MRTFB: variants seen among roughly 807,000 people sequenced by gnomAD.
MRTFB encodes the protein myocardin-related transcription factor B.
MRTFB carries 29 observed loss-of-function variants against 104.2 expected under a neutral mutation model. The observed-to-expected ratio is 0.28, with a 90% CI of 0.21 to 0.38. MRTFB has a LOEUF of 0.38. Ranked by LOEUF, MRTFB falls within the 10% of genes least tolerant of loss-of-function variation. The pLI, the probability that MRTFB is intolerant of heterozygous loss-of-function variation, is 1.00. For missense variants in MRTFB, 1,270 were observed against 1,341.6 expected, an observed-to-expected ratio of 0.95 and a Z score of 0.83; for synonymous variants, 535 against 519.5, an observed-to-expected ratio of 1.03 and a Z score of -0.41.
At chr16:14,171,587 C>T (rs2039425371) in intron 3 of MRTFB, among the ~76,000 whole-genome samples, 1 of 152,114 alleles carries the variant, frequency 6.6e-6, no homozygotes, top group Non-Finnish European at 1.5e-5. Flanking sequence ...ATGATAACTC[C>T]ATTTTCATTC....
At position 14,168,523 on chromosome 16, in the gene MRTFB, C is replaced by G. The variant is rs1386589009; in HGVS notation, c.154+27763C>G. On this transcript the variant is annotated intron_variant, in intron 3 of 16. Coordinates refer to ENST00000571589, the MANE Select transcript of MRTFB (RefSeq NM_001308142.2). ...GCATGCTCCTGTATAAGGCTTCTTGCATTCAGCATGTTTTTGAGATTCATT... is the reference window on the plus strand; with the variant it reads ...GCATGCTCCTGTATAAGGCTTCTTGGATTCAGCATGTTTTTGAGATTCATT... Among the ~76,000 whole-genome samples the G allele has an allele frequency of 2.6e-5, 4 of 152,192 alleles. No homozygotes were observed. The East Asian group carries it at 7.7e-4, about 29-fold the overall frequency.
the MRTFB span, among the ~76,000 whole-genome samples, chr16:14,063,113 C>T: frequency 6.6e-6 from 1 of 152,204 alleles, no homozygotes; most frequent in African/African-American, 2.4e-5. Flanking sequence ...CTGTCTCCTA[C>T]ATCCTGCCCA....
intron 3 of MRTFB, among the ~76,000 whole-genome samples, chr16:14,160,877 T>G (rs2039004755): frequency 6.6e-6 from 1 of 152,154 alleles, no homozygotes; most frequent in African/African-American, 2.4e-5. Flanking sequence ...AATTTTTTAG[T>G]ACTTTCCTAC....
intron 2 of MRTFB, among the ~76,000 whole-genome samples, chr16:14,132,633 G>A (rs2037497593): frequency 1.3e-5 from 2 of 152,160 alleles, no homozygotes; most frequent in Admixed American, 1.3e-4. Flanking sequence ...AAATATCTTA[G>A]TTGTAATTTG....
the MRTFB span, among the ~76,000 whole-genome samples, chr16:14,029,189 T>A: frequency 6.6e-6 from 1 of 151,452 alleles, no homozygotes. Context: ...TGGTCCCAGC[T>A]ACTTGGGAGG....
intron 2 of MRTFB, among the ~76,000 whole-genome samples, chr16:14,131,262 AAG>A (rs1201509740): frequency 6.6e-6 from 1 of 152,188 alleles, no homozygotes; most frequent in Non-Finnish European, 1.5e-5. Context: ...CCAAATTAGT[AAG>A]AGCCTCATCA....
intron 2 of MRTFB, chr16:14,092,716 T>A (rs1328965549): frequency 1.3e-5 from 2 of 152,166 alleles, no homozygotes; most frequent in Non-Finnish European, 2.9e-5. Flanking sequence ...TGGATATGAT[T>A]TCAGATCACT....
At chr16:14,156,538 A>G (rs2038834394) in intron 3 of MRTFB, among the ~76,000 whole-genome samples, 1 of 152,204 alleles carries the variant, frequency 6.6e-6, no homozygotes, top group African/African-American at 2.4e-5. Flanking sequence ...GGTCAGCAAG[A>G]CTGTCATAGA....
chr16:14,209,385 A>C (rs2041091588), intron 3 of MRTFB, among the ~76,000 whole-genome samples: 1 of 152,242 alleles, frequency 6.6e-6, no homozygotes, highest in South Asian at 2.1e-4. Flanking sequence ...CAAAATGGCA[A>C]CTTAAAATCA....
rs572661632 is a variant in MRTFB at position 14,123,197 on chromosome 16, T to C, written c.-63-17347T>C. 4.6e-5 allele frequency among the ~76,000 whole-genome samples: 7 copies of C among 152,368 alleles called. No individual in the cohort carries two copies. The South Asian group carries it at 8.3e-4, about 18-fold the overall frequency. On this transcript the variant is annotated intron_variant, in intron 2 of 16. Transcript: ENST00000571589. ...TTGTAGATTCTGGATATTAGCCCTT[T>C]GTCAGATGGATAGATTGCAAAAATT...
At chr16:14,018,112 G>A in the MRTFB span, among the ~76,000 whole-genome samples, 2 of 151,922 alleles carry the variant, frequency 1.3e-5, no homozygotes, top group Non-Finnish European at 2.9e-5. Flanking sequence ...AGGATTCCAT[G>A]TGCCTCCTGA....
chr16:14,085,667 A>G (rs956959400), intron 2 of MRTFB, among the ~76,000 whole-genome samples: 14 of 152,050 alleles, frequency 9.2e-5, no homozygotes, highest in East Asian at 1.9e-4. Flanking sequence ...CACATGGCAA[A>G]CACCCACATT....
At chr16:14,236,064 C>G (rs1357109520) in intron 9 of MRTFB, among the ~76,000 whole-genome samples, 1 of 152,092 alleles carries the variant, frequency 6.6e-6, no homozygotes, top group Non-Finnish European at 1.5e-5. Flanking sequence ...CACCTATGCT[C>G]CCAGCTACTC....
chr16:14,172,757 T>TA (rs1477429454), intron 3 of MRTFB, among the ~76,000 whole-genome samples: 1 of 152,204 alleles, frequency 6.6e-6, no homozygotes, highest in Non-Finnish European at 1.5e-5. Flanking sequence ...TAATTATGGG[T>TA]AAGGGTGAAC....
the MRTFB span, among the ~76,000 whole-genome samples, chr16:14,017,171 G>A: frequency 4.7e-5 from 7 of 149,962 alleles, no homozygotes; most frequent in African/African-American, 1.5e-4. Flanking sequence ...ATTCTCCTGC[G>A]TCAGCCTCCC....
intron 3 of MRTFB, among the ~76,000 whole-genome samples, chr16:14,167,936 C>G (rs1411117075): frequency 2.0e-5 from 3 of 152,178 alleles, no homozygotes; most frequent in African/African-American, 7.2e-5. Context: ...ATCTGCCCAC[C>G]TCAGCCTTCC....
intron 3 of MRTFB, among the ~76,000 whole-genome samples, chr16:14,194,565 C>G (rs2040340931): frequency 6.6e-6 from 1 of 152,126 alleles, no homozygotes; most frequent in Non-Finnish European, 1.5e-5. Flanking sequence ...GATGTAAGAA[C>G]TTTTTCTAGT....
At chr16:14,246,372 AG>A in intron 11 of MRTFB, 100 bp from the exon 12 acceptor site, 1 of 1,131,412 alleles carries the variant, frequency 8.8e-7, no homozygotes, top group Non-Finnish European at 1.3e-6. Flanking sequence ...CGTAACGCAG[AG>A]TTGTCTGACA....
Position 14,219,010 on chromosome 16 carries a change from C to T in MRTFB, c.693+12C>T. 1 of 1,588,292 alleles carries T rather than the reference C, an allele frequency of 6.3e-7. No individual in the cohort carries two copies. Among genetic ancestry groups the T allele is most frequent in the Admixed American group, 1.8e-5 (1 of 56,910 alleles). ...ACACTCCAGCGCAGGTATTATCTTT[C>T]TGGTTTTGACCCCTAAAGAAAGAAA... On this transcript the variant is annotated intron_variant, in intron 8 of 16. Coordinates refer to ENST00000571589, the MANE Select transcript of MRTFB (RefSeq NM_001308142.2).
Sources: allele counts gnomAD v4.1 joint callset (sites outside exome capture counted in the v4.1 genomes callset), GRCh38; gene constraint gnomAD v4.1.1; transcripts MANE v1.5; gene names NCBI Gene and HGNC (gene_info 2026-07-23, HGNC 2026-07-21).